Variants in CALR3 observed in about 807,000 individuals in gnomAD.
CALR3 encodes calreticulin-3.
CALR3 carries 39 observed loss-of-function variants against 48.7 expected under a neutral mutation model. That is an observed-to-expected ratio of 0.80 (90% CI 0.62 to 1.05). The LOEUF (loss-of-function observed/expected upper bound fraction) is 1.05. CALR3 is among the 50% of genes least tolerant of loss of function. The probability of loss-of-function intolerance (pLI) is 0.00; values close to 1 mark genes in which losing one functional copy is unlikely to be tolerated. For synonymous variants in CALR3, 185 were observed against 172.7 expected, an observed-to-expected ratio of 1.07 and a Z score of -0.56; for missense variants, 449 against 474.7, an observed-to-expected ratio of 0.95 and a Z score of 0.50.
Position 16,479,199 on chromosome 19 carries a change from G to C in CALR3, c.1087C>G (p.Leu363Val), listed in dbSNP as rs199900092. The C allele has an allele frequency of 3.7e-6, 6 of 1,614,112 alleles. No homozygotes were observed. The highest frequency in any genetic ancestry group is 5.1e-6 in the Non-Finnish European group (6 of 1,180,026). The change falls in exon 9 of 9, where the codon CTG (leucine) becomes GTG (valine). Residue 363 changes from leucine to valine, a missense_variant. By Grantham distance (32) the Leu-to-Val change is conservative (BLOSUM62 1). Transcript: ENST00000269881. Reference protein sequence around the residue: ...KKAREEEEEELLSGKINRHEH... With the variant: ...KKAREEEEEEVLSGKINRHEH... The stretch of plus-strand genomic sequence containing the variant: ...TGCCTGTTAATTTTTCCCGACAGCA[G>C]CTCTTCCTCCTCTTCCTCGCGGGCC...
chr19:16,488,670 A>C (rs112698426), intron 3 of CALR3, among the ~76,000 whole-genome samples: 196 of 152,242 alleles, frequency 1.3e-3, no homozygotes, highest in African/African-American at 4.6e-3. Flanking sequence ...GGCCTCCCAA[A>C]ATGCTGAGAT....
At position 16,479,199 on chromosome 19, in the gene CALR3, G is replaced by T. The variant is rs199900092; in HGVS notation, c.1087C>A (p.Leu363Met). 2 of 1,613,994 alleles carry T rather than the reference G, an allele frequency of 1.2e-6. No individual in the cohort carries two copies. Among genetic ancestry groups the T allele is most frequent in the South Asian group, 1.1e-5 (1 of 91,072 alleles). Reference sequence around the variant, plus strand: ...TGCCTGTTAATTTTTCCCGACAGCAGCTCTTCCTCCTCTTCCTCGCGGGCC... The same window carrying T: ...TGCCTGTTAATTTTTCCCGACAGCATCTCTTCCTCCTCTTCCTCGCGGGCC... ...KKAREEEEEE[L>M]LSGKINRHEH... The change falls in exon 9 of 9, where the codon CTG (leucine) becomes ATG (methionine). Residue 363 changes from leucine (L) to methionine (M), a missense_variant. By Grantham distance (15) the Leu-to-Met change is conservative. Transcript: ENST00000269881.
intron 7 of CALR3, among the ~76,000 whole-genome samples, chr19:16,481,742 G>GC (rs925313157): frequency 2.0e-5 from 3 of 151,568 alleles, no homozygotes; most frequent in Non-Finnish European, 4.4e-5. Flanking sequence ...CAGGCAATCT[G>GC]CCCCCCTCAG....
rs368523051 is a variant in CALR3 at position 16,495,775 on chromosome 19, A to G, written c.169T>C (p.Tyr57His). 4 of 1,613,896 alleles carry G rather than the reference A, an allele frequency of 2.5e-6. No homozygotes were observed. In the African/African-American group the frequency reaches 5.3e-5, roughly 22 times the overall value. ...CCTTTATCTTTCTCTTTATGACCATAAAACTTGCCCGACGAAAGTCTAAAA... is the reference window on the plus strand; with the variant it reads ...CCTTTATCTTTCTCTTTATGACCATGAAACTTGCCCGACGAAAGTCTAAAA... Reference protein sequence around the residue: ...GHFRLSSGKFYGHKEKDKGLQ... With the variant: ...GHFRLSSGKFHGHKEKDKGLQ... The change falls in exon 2 of 9, where the codon TAT becomes CAT. Residue 57 changes from tyrosine (Y) to histidine (H), a missense_variant. Transcript: ENST00000269881.
At chr19:16,488,095 G>A (rs1167417994) in intron 3 of CALR3, among the ~76,000 whole-genome samples, 2 of 151,930 alleles carry the variant, frequency 1.3e-5, no homozygotes, top group Non-Finnish European at 2.9e-5. Flanking sequence ...TTACAGGTGT[G>A]AGCCACCGCG....
At chr19:16,484,228 AGCGCTGTG>A in intron 4 of CALR3, 113 bp from the exon 5 acceptor site, 1 of 1,008,578 alleles carries the variant, frequency 9.9e-7, no homozygotes, top group Non-Finnish European at 1.4e-6. Context: ...CCCAGGTTGG[AGCGCTGTG>A]GCACAATCTC....
chr19:16,493,982 G>A (rs2093401895), intron 2 of CALR3, among the ~76,000 whole-genome samples: 1 of 152,124 alleles, frequency 6.6e-6, no homozygotes, highest in South Asian at 2.1e-4. Context: ...ATCTTGACCT[G>A]CCTGTACAAA....
In CALR3 at chr19:16,479,062, T is replaced by C. The variant is rs545737929; in HGVS notation, c.*69A>G. The C allele has an allele frequency of 6.2e-4, 981 of 1,588,952 alleles. No homozygotes were observed. The highest frequency in any genetic ancestry group is 8.1e-4 in the Non-Finnish European group (937 of 1,157,866). On this transcript the variant is annotated 3_prime_UTR_variant, in exon 9 of 9. Transcript: ENST00000269881. The stretch of plus-strand genomic sequence containing the variant: ...ATTGGACAAAGTGCCATGTAGACAT[T>C]TGAGTTTGAAACATAGATTAAAGTA...
intron 2 of CALR3, among the ~76,000 whole-genome samples, chr19:16,492,296 A>G (rs8103486): frequency 0.67 from 101,632 of 151,846 alleles, 34,270 homozygotes; most frequent in South Asian, 0.75. Flanking sequence ...ATTTCTACTA[A>G]AAATACAAAA....
intron 2 of CALR3, among the ~76,000 whole-genome samples, chr19:16,494,521 C>A (rs1201696837): frequency 6.6e-6 from 1 of 152,010 alleles, no homozygotes; most frequent in Admixed American, 6.6e-5. Context: ...GCCACCACAC[C>A]CAGCTAATTT....
At chr19:16,482,635 C>A in intron 6 of CALR3, 43 bp downstream of exon 6, 1 of 1,613,716 alleles carries the variant, frequency 6.2e-7, no homozygotes, top group Non-Finnish European at 8.5e-7. Flanking sequence ...AGCGGAGGGG[C>A]AGCCCTGGGG....
intron 2 of CALR3, among the ~76,000 whole-genome samples, 153 bp from the exon 3 acceptor site, chr19:16,490,723 ATAATGGG>A (rs1163158790): frequency 1.1e-4 from 16 of 151,922 alleles, no homozygotes; most frequent in Non-Finnish European, 2.1e-4. Flanking sequence ...ACAATAATGC[ATAATGGG>A]TAGACCACTA....
intron 3 of CALR3, among the ~76,000 whole-genome samples, chr19:16,487,804 C>A (rs1178774972): frequency 6.7e-6 from 1 of 149,160 alleles, no homozygotes; most frequent in African/African-American, 2.5e-5. Context: ...CCACGCCCAG[C>A]TAATTTTCAA....
Position 16,495,738 on chromosome 19 carries a change from AT to A in CALR3, c.193+12del. 6.2e-7 allele frequency: 1 copy of A among 1,604,050 alleles called. No individual in the cohort carries two copies. The highest frequency in any genetic ancestry group is 8.5e-7 in the Non-Finnish European group (1 of 1,170,832). ...TAACATTAGGCTCAATTTGGTCCTG[AT>A]TCTACACTAACCTTTATCTTTCTCT... On this transcript the variant is annotated intron_variant, in intron 2 of 8. Transcript: ENST00000269881.
Position 16,479,132 on chromosome 19 carries a change from T to A in CALR3, c.1154A>T (p.Ter385LeuextTer1). 6.2e-7 allele frequency: 1 copy of A among 1,614,116 alleles called. No individual in the cohort carries two copies. The highest frequency in any genetic ancestry group is 8.5e-7 in the Non-Finnish European group (1 of 1,179,998). The change falls in exon 9 of 9, where the codon TAG becomes TTG. Residue 385 changes from the stop codon to leucine (L), a stop_lost. Coordinates refer to ENST00000269881, the MANE Select transcript of CALR3 (RefSeq NM_145046.5). ...CATCCTTATATCCAATGGGGATCACTAAAGTTCATTCCTTCTGTGAAATTG... is the reference window on the plus strand; with the variant it reads ...CATCCTTATATCCAATGGGGATCACAAAAGTTCATTCCTTCTGTGAAATTG... The part of the protein sequence containing the change: ...FNQFHRRNEL[*>L]
At chr19:16,479,299 AG>A (rs1378531206) in intron 8 of CALR3, 25 bp from the exon 9 acceptor site, 1 of 1,613,328 alleles carries the variant, frequency 6.2e-7, no homozygotes, top group East Asian at 2.2e-5. Flanking sequence ...AAAAAACATA[AG>A]CCCCACCGGG....
intron 2 of CALR3, 49 bp from the exon 3 acceptor site, chr19:16,490,619 G>T: frequency 2.7e-6 from 4 of 1,502,162 alleles, no homozygotes; most frequent in Non-Finnish European, 3.7e-6. Context: ...GCTGCGCTAA[G>T]TAACGCAGGA....
chr19:16,479,169 G>C lies in CALR3; in HGVS notation c.1117C>G (p.His373Asp). The C allele has an allele frequency of 6.2e-7, 1 of 1,614,122 alleles. No homozygotes were observed. ...CTTCTGTGAAATTGATTGAAGTAAT[G>C]TTCGTGCCTGTTAATTTTTCCCGAC... is the stretch of plus-strand genomic sequence containing the variant. ...LLSGKINRHE[H>D]YFNQFHRRNE... Residue 373 changes from histidine to aspartate, a missense_variant, in exon 9 of 9, where the codon CAT (histidine) becomes GAT (aspartate). Transcript: ENST00000269881.
chr19:16,485,732 C>T (rs1244049384), intron 3 of CALR3, among the ~76,000 whole-genome samples: 2 of 152,242 alleles, frequency 1.3e-5, no homozygotes, highest in East Asian at 3.9e-4. Context: ...TGGCTCACTG[C>T]AGTCTCCGCC....
Sources: allele counts gnomAD v4.1 joint callset (sites outside exome capture counted in the v4.1 genomes callset), GRCh38; gene constraint gnomAD v4.1.1; transcripts MANE v1.5; gene names NCBI Gene and HGNC (gene_info 2026-07-23, HGNC 2026-07-21).